The following DIAPH3 variants were observed in gnomAD, a reference collection of about 807,000 sequenced individuals.
The protein encoded by DIAPH3 is protein diaphanous homolog 3.
Under a neutral mutation model 144.3 loss-of-function variants are expected in DIAPH3, and 117 were observed. That is an observed-to-expected ratio of 0.81 (90% CI 0.70 to 0.95). The LOEUF is 0.95. Among genes scored for constraint, DIAPH3 ranks in the 40% least tolerant of loss-of-function variants. DIAPH3 has a pLI of 0.00. For missense variants in DIAPH3, 1,421 were observed against 1,412.7 expected, an observed-to-expected ratio of 1.01 and a Z score of -0.09; for synonymous variants, 519 against 488.9, an observed-to-expected ratio of 1.06 and a Z score of -0.81.
At chr13:59,713,021 G>A (rs769329009) in intron 27 of DIAPH3, among the ~76,000 whole-genome samples, 74 of 152,254 alleles carry the variant, frequency 4.9e-4, no homozygotes, top group South Asian at 1.2e-3. Context: ...TAATGCTGCC[G>A]CTGATCTGAC....
chr13:59,822,864 A>ATAATAATCT, intron 24 of DIAPH3, among the ~76,000 whole-genome samples: 1 of 152,158 alleles, frequency 6.6e-6, no homozygotes, highest in Non-Finnish European at 1.5e-5. Context: ...TAATCTAGAA[A>ATAATAATCT]AGGCCACTGC....
intron 13 of DIAPH3, among the ~76,000 whole-genome samples, 176 bp from the exon 14 acceptor site, chr13:59,981,035 T>C (rs2038063229): frequency 6.6e-6 from 1 of 151,442 alleles, no homozygotes; most frequent in African/African-American, 2.4e-5. Context: ...CTAAGCATGA[T>C]ACCAGAAAAC....
intron 1 of DIAPH3, among the ~76,000 whole-genome samples, chr13:60,147,584 A>C (rs1216723215): frequency 1.3e-5 from 2 of 152,182 alleles, no homozygotes; most frequent in Non-Finnish European, 2.9e-5. Context: ...TCAAGCATGC[A>C]CAGAGGACAC....
At chr13:59,907,182 C>T (rs1191808700) in intron 20 of DIAPH3, among the ~76,000 whole-genome samples, 1 of 152,148 alleles carries the variant, frequency 6.6e-6, no homozygotes, top group Non-Finnish European at 1.5e-5. Flanking sequence ...TATTGCCTCT[C>T]AAATATACAC....
chr13:59,836,324 A>T (rs769804237), intron 23 of DIAPH3, among the ~76,000 whole-genome samples: 16 of 151,854 alleles, frequency 1.1e-4, no homozygotes, highest in Non-Finnish European at 2.2e-4. Flanking sequence ...GTAAGTACGT[A>T]CACCTCACAT....
At chr13:59,836,076 G>T (rs777417581) in intron 23 of DIAPH3, among the ~76,000 whole-genome samples, 10 of 151,894 alleles carry the variant, frequency 6.6e-5, no homozygotes, top group Non-Finnish European at 1.2e-4. Context: ...AATAAATACA[G>T]AAATATATAA....
At chr13:60,113,001 G>A (rs117448380) in intron 2 of DIAPH3, among the ~76,000 whole-genome samples, 2 of 152,234 alleles carry the variant, frequency 1.3e-5, no homozygotes, top group Non-Finnish European at 2.9e-5. Context: ...GTCTTAAGCT[G>A]AACCAGGCAT....
chr13:59,669,562 T>C (rs2032235751), intron 27 of DIAPH3, among the ~76,000 whole-genome samples: 2 of 152,158 alleles, frequency 1.3e-5, no homozygotes. Flanking sequence ...GCCCTCAAGG[T>C]GAGTGACGGA....
intron 9 of DIAPH3, among the ~76,000 whole-genome samples, chr13:60,000,313 A>C (rs2052445064): frequency 6.6e-6 from 1 of 152,152 alleles, no homozygotes; most frequent in African/African-American, 2.4e-5. Flanking sequence ...AGAAGCCTGA[A>C]GATATAAGGG....
intron 2 of DIAPH3, among the ~76,000 whole-genome samples, chr13:60,132,522 T>C (rs1021774021): frequency 1.3e-5 from 2 of 152,200 alleles, no homozygotes; most frequent in South Asian, 2.1e-4. Flanking sequence ...ATAAAAAACG[T>C]AGTAAGGCAT....
At chr13:59,691,048 G>C (rs1593587934) in intron 27 of DIAPH3, among the ~76,000 whole-genome samples, 1 of 152,070 alleles carries the variant, frequency 6.6e-6, no homozygotes, top group Admixed American at 6.6e-5. Context: ...AAATAAAGAA[G>C]AATAGTAGGG....
chr13:59,954,003 G>A (rs1407202516), intron 17 of DIAPH3, among the ~76,000 whole-genome samples: 1 of 152,192 alleles, frequency 6.6e-6, no homozygotes, highest in Non-Finnish European at 1.5e-5. Context: ...ATGTAACTGT[G>A]CTGTATAAGT....
At chr13:59,952,039 C>G (rs1020590988) in intron 17 of DIAPH3, among the ~76,000 whole-genome samples, 1 of 152,164 alleles carries the variant, frequency 6.6e-6, no homozygotes, top group Non-Finnish European at 1.5e-5. Context: ...ATGGATAAAT[C>G]ATGGTATAAA....
chr13:59,931,299 C>T (rs1316764497), intron 17 of DIAPH3, among the ~76,000 whole-genome samples: 1 of 152,106 alleles, frequency 6.6e-6, no homozygotes, highest in Non-Finnish European at 1.5e-5. Flanking sequence ...TTCACCTGGA[C>T]CACAGCCGGT....
In DIAPH3 at chr13:60,047,206, G is replaced by A. The variant is rs193237014; in HGVS notation, c.496-4386C>T. ...CTGAGGACAACCTACAAAAATAAAC[G>A]TTATACCATACTCACAGAACAGAAG... On this transcript the variant is annotated intron_variant, in intron 4 of 27. Coordinates refer to ENST00000400324, the MANE Select transcript of DIAPH3 (RefSeq NM_001042517.2). Among the ~76,000 whole-genome samples the A allele has an allele frequency of 1.7e-3, 251 of 151,368 alleles. 1 individual carries two copies. The highest frequency in any genetic ancestry group is 2.4e-3 in the Admixed American group (36 of 15,184).
chr13:60,051,300 G>A (rs1401054742), intron 4 of DIAPH3, among the ~76,000 whole-genome samples: 6 of 152,066 alleles, frequency 3.9e-5, no homozygotes, highest in East Asian at 1.9e-4. Context: ...AACTGATGAC[G>A]CAGGGAGGTA....
chr13:59,771,832 A>AATAAGT (rs2038137230), intron 27 of DIAPH3, among the ~76,000 whole-genome samples: 2 of 152,040 alleles, frequency 1.3e-5, no homozygotes, highest in Admixed American at 6.6e-5. Context: ...TAAATGGGTA[A>AATAAGT]TATGCATAAA....
intron 27 of DIAPH3, among the ~76,000 whole-genome samples, chr13:59,706,510 G>A (rs2034435923): frequency 1.3e-5 from 2 of 152,124 alleles, no homozygotes; most frequent in African/African-American, 4.8e-5. Flanking sequence ...TATAAGCTAC[G>A]AAACTGAAAG....
In DIAPH3 at chr13:59,666,351, A is replaced by G; in HGVS notation, c.*233T>C. On this transcript the variant is annotated 3_prime_UTR_variant, in exon 28 of 28. Transcript: ENST00000400324. ...ACCAAATAAAGAACTGAGGAATACC[A>G]GGAGACAAAAAAAAAAAAAAAAGGA... 2.2e-6 allele frequency: 1 copy of G among 453,122 alleles called. No individual in the cohort carries two copies. Among genetic ancestry groups the G allele is most frequent in the African/African-American group, 2.4e-5 (1 of 41,882 alleles). The allele number at this position is 453,122 out of a possible 1,614,324, so 28.1% of individuals were successfully genotyped here.
Sources: allele counts gnomAD v4.1 joint callset (sites outside exome capture counted in the v4.1 genomes callset), GRCh38; gene constraint gnomAD v4.1.1; transcripts MANE v1.5; gene names NCBI Gene and HGNC (gene_info 2026-07-23, HGNC 2026-07-21).